Variants in CHD6 observed in about 807,000 individuals in gnomAD.
CHD6 encodes the protein ATP-dependent chromatin remodeler CHD6.
In CHD6, 50 loss-of-function variants were observed where a neutral mutation model predicts 276.9. The observed-to-expected ratio is 0.18, with a 90% CI of 0.14 to 0.23. The LOEUF (loss-of-function observed/expected upper bound fraction) is 0.23, where lower values mean the gene tolerates loss of function less well. Ranked by LOEUF, CHD6 falls within the 10% of genes least tolerant of loss-of-function variation. CHD6 has a pLI of 1.00. For missense variants in CHD6, 2,564 were observed against 3,365.8 expected (o/e 0.76, Z 5.89); for synonymous variants, 1,173 against 1,229.3 (o/e 0.95, Z 0.96).
intron 5 of CHD6, among the ~76,000 whole-genome samples, chr20:41,512,587 A>G (rs559144473): frequency 6.6e-6 from 1 of 152,066 alleles, no homozygotes; most frequent in Non-Finnish European, 1.5e-5. Context: ...GCTGGAGAGT[A>G]ATGAGACAGG....
At chr20:41,493,054 A>G (rs2043593711) in intron 10 of CHD6, among the ~76,000 whole-genome samples, 1 of 152,190 alleles carries the variant, frequency 6.6e-6, no homozygotes, top group South Asian at 2.1e-4. Context: ...AAATAAATTC[A>G]ATAATGTTTA....
At chr20:41,454,833 A>G (rs2048336689) in intron 19 of CHD6, 97 bp from the exon 20 acceptor site, 2 of 727,710 alleles carry the variant, frequency 2.7e-6, no homozygotes, top group East Asian at 2.6e-5. Flanking sequence ...TATATTATCT[A>G]TTTGCATTCA....
chr20:41,467,872 C>T (rs960952255), intron 17 of CHD6, among the ~76,000 whole-genome samples: 6 of 151,904 alleles, frequency 3.9e-5, no homozygotes, highest in South Asian at 2.1e-4. Context: ...AGGAACGTGA[C>T]TCATTCTATT....
chr20:41,551,453 C>G (rs2045144808), intron 1 of CHD6, 93 bp from the exon 2 acceptor site: 1 of 620,014 alleles, frequency 1.6e-6, no homozygotes, highest in Admixed American at 2.7e-5. Context: ...ACAAGGAAAA[C>G]AAACAGGGGA....
rs539236143 is a variant in CHD6, at chr20:41,586,523, G to T, written c.-24+31817C>A. 4.6e-5 allele frequency among the ~76,000 whole-genome samples: 7 copies of T among 152,308 alleles called. No homozygotes were observed. The South Asian group carries it at 1.5e-3, about 32-fold the overall frequency. On this transcript the variant is annotated intron_variant, in intron 1 of 36. Transcript: ENST00000373233. ...CAAGGTTCCATTCCTTAGAATCTGT[G>T]AGGCCAAGAACCCCAGGTCAGAGAA... is the stretch of plus-strand genomic sequence containing the variant.
Position 41,483,341 on chromosome 20 carries a change from G to T in CHD6, c.2436C>A (p.Leu812=), listed in dbSNP as rs370012274. 1 of 1,613,430 alleles carries T rather than the reference G, an allele frequency of 6.2e-7. No homozygotes were observed. The highest frequency in any genetic ancestry group is 8.5e-7 in the Non-Finnish European group (1 of 1,179,722). The change falls in exon 16 of 37, where the codon CTC becomes CTA. Residue 812 remains leucine (L), a synonymous_variant. Transcript: ENST00000373233. Reference sequence around the variant, plus strand: ...GGATGAGGTAATCTTCTAGGATGTCGAGGCAGCGCACCATCTGGGAGAAGA... The same window carrying T: ...GGATGAGGTAATCTTCTAGGATGTCTAGGCAGCGCACCATCTGGGAGAAGA... ...VLIFSQMVRC[L]DILEDYLIQR...
chr20:41,594,446 C>A (rs566479669), intron 1 of CHD6, among the ~76,000 whole-genome samples: 3 of 152,198 alleles, frequency 2.0e-5, no homozygotes, highest in South Asian at 2.1e-4. Context: ...CATCTGTGCA[C>A]GAGCTATCAT....
At chr20:41,462,047 C>T (rs1044041667) in intron 17 of CHD6, 1 of 152,176 alleles carries the variant, frequency 6.6e-6, no homozygotes, top group Non-Finnish European at 1.5e-5. Context: ...AATCTGGATA[C>T]CCTAGAGGTG....
intron 1 of CHD6, among the ~76,000 whole-genome samples, chr20:41,585,755 G>A (rs1269095357): frequency 6.6e-6 from 1 of 152,086 alleles, no homozygotes; most frequent in Admixed American, 6.6e-5. Context: ...GACATCAAAC[G>A]CAGCAAATAC....
At chr20:41,513,367 C>CA (rs2044167381) in intron 4 of CHD6, among the ~76,000 whole-genome samples, 1 of 152,176 alleles carries the variant, frequency 6.6e-6, no homozygotes, top group African/African-American at 2.4e-5. Flanking sequence ...GGGTCCCTTC[C>CA]AGCACTTGGT....
intron 17 of CHD6, among the ~76,000 whole-genome samples, chr20:41,458,960 C>A (rs977465631): frequency 6.6e-6 from 1 of 152,102 alleles, no homozygotes; most frequent in African/African-American, 2.4e-5. Flanking sequence ...AGTGGCAGAG[C>A]AAGTCTGGAG....
intron 1 of CHD6, among the ~76,000 whole-genome samples, chr20:41,555,286 T>C (rs1173626748): frequency 6.9e-5 from 9 of 129,756 alleles, no homozygotes; most frequent in South Asian, 2.6e-4. Flanking sequence ...GCAGAGGGGC[T>C]CCTCACCTCC....
At chr20:41,475,855 C>T (rs943897900) in intron 16 of CHD6, among the ~76,000 whole-genome samples, 7 of 152,106 alleles carry the variant, frequency 4.6e-5, no homozygotes, top group African/African-American at 1.7e-4. Flanking sequence ...TCAGCCATCA[C>T]CTAGGGAAAC....
intron 1 of CHD6, among the ~76,000 whole-genome samples, chr20:41,575,626 C>CA (rs928761400): frequency 2.6e-5 from 4 of 152,014 alleles, no homozygotes; most frequent in Admixed American, 6.6e-5. Flanking sequence ...AACAGAAAAA[C>CA]AAAAAACAAA....
At chr20:41,542,347 T>C (rs905658144) in intron 2 of CHD6, among the ~76,000 whole-genome samples, 2 of 152,198 alleles carry the variant, frequency 1.3e-5, no homozygotes, top group African/African-American at 2.4e-5. Flanking sequence ...TTAGGCCAAC[T>C]CTGCTCCTAC....
chr20:41,507,715 T>C lies in CHD6; in HGVS notation c.852+5131A>G, dbSNP rs573786020. On this transcript the variant is annotated intron_variant, in intron 5 of 36. Transcript: ENST00000373233. ...TCAACTGCTTGGAATTTCCTTAAAT[T>C]ATCCTTCAAAGAAGACCATTTTAAT... is the stretch of plus-strand genomic sequence containing the variant. Among the ~76,000 whole-genome samples, 4 of 152,268 alleles carry C rather than the reference T, an allele frequency of 2.6e-5. No homozygotes were observed. In the East Asian group the frequency reaches 7.7e-4, roughly 29 times the overall value.
intron 16 of CHD6, among the ~76,000 whole-genome samples, chr20:41,476,390 A>G (rs2043168677): frequency 6.6e-6 from 1 of 152,098 alleles, no homozygotes; most frequent in Non-Finnish European, 1.5e-5. Flanking sequence ...GTAGACTGAC[A>G]TGTTTTTGGC....
intron 28 of CHD6, 38 bp from the exon 29 acceptor site, chr20:41,425,432 G>T: frequency 1.9e-6 from 3 of 1,556,272 alleles, no homozygotes; most frequent in South Asian, 1.1e-5. Context: ...TTTACAAACA[G>T]AACTAAAACA....
At chr20:41,563,898 C>CA (rs1048976387) in intron 1 of CHD6, 3 of 597,788 alleles carry the variant, frequency 5.0e-6, no homozygotes, top group Non-Finnish European at 9.0e-6. Context: ...TGGGGGAAGA[C>CA]AAAGGGTTTT....
Sources: gnomAD v4.1 joint callset for allele counts (sites outside exome capture counted in the v4.1 genomes callset) on GRCh38, gnomAD v4.1.1 for gene constraint, MANE v1.5 for transcripts, NCBI Gene and HGNC (gene_info 2026-07-23, HGNC 2026-07-21) for gene names.